The following CRYBG1 variants were observed in gnomAD, a reference collection of about 807,000 sequenced individuals.
The protein encoded by CRYBG1 is beta/gamma crystallin domain-containing protein 1.
CRYBG1 carries 139 observed loss-of-function variants against 189.2 expected under a neutral mutation model. The observed-to-expected ratio is 0.73, with a 90% CI of 0.64 to 0.85. The LOEUF (loss-of-function observed/expected upper bound fraction) is 0.85, where lower values mean the gene tolerates loss of function less well. Among genes scored for constraint, CRYBG1 ranks in the 40% least tolerant of loss-of-function variants. The pLI is 0.00. For missense variants in CRYBG1, 2,611 were observed against 2,675.8 expected, an observed-to-expected ratio of 0.98 and a Z score of 0.53; for synonymous variants, 1,023 against 1,017.1, an observed-to-expected ratio of 1.01 and a Z score of -0.11.
At chr6:106,492,340 T>C (rs1772742461) in intron 2 of CRYBG1, among the ~76,000 whole-genome samples, 1 of 152,244 alleles carries the variant, frequency 6.6e-6, no homozygotes, top group African/African-American at 2.4e-5. Context: ...ATAGAAGAAT[T>C]CCTATTTTCA....
At chr6:106,382,012 T>A (rs941901870) in intron 1 of CRYBG1, among the ~76,000 whole-genome samples, 1 of 152,160 alleles carries the variant, frequency 6.6e-6, no homozygotes, top group Admixed American at 6.6e-5. Flanking sequence ...TAAGAGACAC[T>A]GAAGCAGTAC....
At chr6:106,376,392 C>G (rs1042856112) in intron 1 of CRYBG1, among the ~76,000 whole-genome samples, 4 of 152,198 alleles carry the variant, frequency 2.6e-5, no homozygotes, top group Non-Finnish European at 5.9e-5. Flanking sequence ...CACTCTCCAC[C>G]CTCCTCTGTG....
At chr6:106,443,427 C>T (rs1303701931) in intron 1 of CRYBG1, among the ~76,000 whole-genome samples, 1 of 152,142 alleles carries the variant, frequency 6.6e-6, no homozygotes, top group Non-Finnish European at 1.5e-5. Flanking sequence ...CTTGGCATTT[C>T]AGAATGAGAG....
intron 2 of CRYBG1, among the ~76,000 whole-genome samples, chr6:106,499,893 T>A (rs750577497): frequency 7.2e-5 from 11 of 152,188 alleles, no homozygotes; most frequent in Admixed American, 1.3e-4. Flanking sequence ...TTTTTAAGAA[T>A]CTAAATATAA....
At chr6:106,440,922 A>T (rs955973614) in intron 1 of CRYBG1, among the ~76,000 whole-genome samples, 6 of 152,202 alleles carry the variant, frequency 3.9e-5, no homozygotes, top group Admixed American at 6.5e-5. Context: ...CTTTTTAAAA[A>T]CTAGTATTGA....
chr6:106,367,153 C>A (rs1772015990), intron 1 of CRYBG1, among the ~76,000 whole-genome samples: 1 of 152,300 alleles, frequency 6.6e-6, no homozygotes, highest in South Asian at 2.1e-4. Context: ...CATTGAATTA[C>A]TTTATCCCCC....
In CRYBG1 at chr6:106,519,976, T is replaced by A. The variant is rs571526894; in HGVS notation, c.2768T>A (p.Met923Lys). ...GTGTCTCGTCAGAACAATGAGAAAA[T>A]GCCACTTTTAGAACTTGGAGGAGAA... Reference protein sequence around the residue: ...LPVSRQNNEKMPLLELGGETT... With the variant: ...LPVSRQNNEKKPLLELGGETT... The change falls in exon 4 of 22, where the codon ATG becomes AAG. Residue 923 changes from methionine to lysine, a missense_variant. By Grantham distance (95) the Met-to-Lys change is moderately conservative. Around this residue, in one of 3 missense-constraint regions of CRYBG1, gnomAD observed 1,622 missense variants for 1,735.0 expected, o/e 0.93. Transcript: ENST00000633556. 6.2e-7 allele frequency: 1 copy of A among 1,614,076 alleles called. No homozygotes were observed. Among genetic ancestry groups the A allele is most frequent in the Non-Finnish European group, 8.5e-7 (1 of 1,180,004 alleles).
chr6:106,378,243 G>T (rs1339171060), intron 1 of CRYBG1, among the ~76,000 whole-genome samples: 2 of 152,166 alleles, frequency 1.3e-5, no homozygotes, highest in Non-Finnish European at 2.9e-5. Flanking sequence ...CCCCTACCTT[G>T]TGTCCATTCT....
At chr6:106,543,412 T>C (rs755965490) in intron 10 of CRYBG1, 28 bp from the exon 11 acceptor site, 7 of 1,584,248 alleles carry the variant, frequency 4.4e-6, no homozygotes, top group African/African-American at 2.7e-5. Flanking sequence ...TTCTTACAGA[T>C]TACTGGTATA....
intron 2 of CRYBG1, among the ~76,000 whole-genome samples, chr6:106,500,667 A>G (rs1017428801): frequency 2.0e-5 from 3 of 152,156 alleles, no homozygotes; most frequent in Non-Finnish European, 4.4e-5. Context: ...TTAGTTTGAT[A>G]CAATCCCATT....
chr6:106,506,041 A>G (rs1301754537), intron 2 of CRYBG1, among the ~76,000 whole-genome samples: 1 of 152,210 alleles, frequency 6.6e-6, no homozygotes, highest in Non-Finnish European at 1.5e-5. Flanking sequence ...TTGGGCTGAG[A>G]GGCTGCAGTA....
intron 2 of CRYBG1, among the ~76,000 whole-genome samples, chr6:106,497,850 G>T (rs1772888806): frequency 6.6e-6 from 1 of 152,230 alleles, no homozygotes; most frequent in Non-Finnish European, 1.5e-5. Flanking sequence ...CAGCACTTTG[G>T]GAGGCCGAGG....
At chr6:106,499,156 GT>G (rs1364849496) in intron 2 of CRYBG1, among the ~76,000 whole-genome samples, 2 of 121,076 alleles carry the variant, frequency 1.7e-5, no homozygotes, top group African/African-American at 3.2e-5. Context: ...TTGTTTGTTT[GT>G]TTTTTGCTTT....
intron 1 of CRYBG1, among the ~76,000 whole-genome samples, chr6:106,440,698 G>C (rs908019979): frequency 2.6e-5 from 4 of 152,206 alleles, no homozygotes; most frequent in Non-Finnish European, 5.9e-5. Context: ...GAAAAACCAT[G>C]AATCTTGATG....
At chr6:106,414,684 A>T (rs1349432058) in intron 1 of CRYBG1, among the ~76,000 whole-genome samples, 1 of 152,206 alleles carries the variant, frequency 6.6e-6, no homozygotes, top group Admixed American at 6.5e-5. Flanking sequence ...CTGCAACTGG[A>T]CCAGAGAGGA....
chr6:106,566,774 C>G (rs919197524), intron 21 of CRYBG1, among the ~76,000 whole-genome samples: 5 of 152,162 alleles, frequency 3.3e-5, no homozygotes, highest in African/African-American at 7.2e-5. Flanking sequence ...CACGTCTCTT[C>G]TCGTTGGTGC....
At chr6:106,464,172 T>C (rs746963) in intron 2 of CRYBG1, among the ~76,000 whole-genome samples, 124,843 of 152,130 alleles carry the variant, frequency 0.82, 51,294 homozygotes, top group East Asian at 0.97. Flanking sequence ...AATCGAACGC[T>C]CTTCTTGACT....
intron 1 of CRYBG1, among the ~76,000 whole-genome samples, chr6:106,402,791 T>A (rs1053788163): frequency 1.3e-5 from 2 of 152,128 alleles, no homozygotes; most frequent in African/African-American, 2.4e-5. Context: ...CACCGAGCCC[T>A]TGATCTATGG....
In CRYBG1 at chr6:106,570,629, C is replaced by T. The variant is rs974270470; in HGVS notation, c.*2063C>T. ...AAACTCCATAGTTTCTGAGTGGAAACGAGGATGAGTGAGGTCCTGGCTCAA... is the reference window on the plus strand; with the variant it reads ...AAACTCCATAGTTTCTGAGTGGAAATGAGGATGAGTGAGGTCCTGGCTCAA... On this transcript the variant is annotated 3_prime_UTR_variant, in exon 22 of 22. Transcript: ENST00000633556. The T allele has an allele frequency of 6.6e-6, 1 of 152,162 alleles. No homozygotes were observed. The highest frequency in any genetic ancestry group is 1.5e-5 in the Non-Finnish European group (1 of 68,022). 9.4% of individuals were successfully genotyped at this position (152,162 alleles called of 1,614,324 possible).
Sources: gnomAD v4.1 joint callset for allele counts (sites outside exome capture counted in the v4.1 genomes callset) on GRCh38, gnomAD v4.1.1 for gene constraint, gnomAD v4.1.1 regional missense constraint, MANE v1.5 for transcripts, NCBI Gene and HGNC (gene_info 2026-07-23, HGNC 2026-07-21) for gene names.